Variants in DCC observed in about 807,000 individuals in gnomAD.
DCC encodes the protein netrin receptor DCC.
In DCC, 58 loss-of-function variants were observed where a neutral mutation model predicts 172.5. The ratio of observed to expected loss-of-function variants is 0.34; its 90% CI spans 0.27 to 0.42. DCC has a LOEUF of 0.42. Among genes scored for constraint, DCC ranks in the 10% least tolerant of loss-of-function variants. DCC has a pLI of 1.00. For synonymous variants in DCC, 709 were observed against 644.5 expected, an observed-to-expected ratio of 1.10 and a Z score of -1.52; for missense variants, 1,740 against 1,791.0, an observed-to-expected ratio of 0.97 and a Z score of 0.51.
rs1375657739 is a variant in DCC, at chr18:52,383,585, G to A, written c.91+42707G>A. Among the ~76,000 whole-genome samples the A allele has an allele frequency of 2.6e-5, 4 of 151,782 alleles. No individual in the cohort carries two copies. In the East Asian group the frequency reaches 7.8e-4, roughly 29 times the overall value. On this transcript the variant is annotated intron_variant, in intron 1 of 28. Coordinates refer to ENST00000442544, the MANE Select transcript of DCC (RefSeq NM_005215.4). ...TGTCAAATAAACTTTCATCTTTTAT[G>A]GCTAGTCTCTTCTTTTTATTTATGT...
intron 1 of DCC, among the ~76,000 whole-genome samples, chr18:52,589,709 G>T (rs2033755768): frequency 6.6e-6 from 1 of 152,112 alleles, no homozygotes; most frequent in Non-Finnish European, 1.5e-5. Flanking sequence ...TGTTTATAGT[G>T]CCAATCAATT....
At chr18:52,793,864 T>G (rs2037821632) in intron 2 of DCC, among the ~76,000 whole-genome samples, 1 of 152,202 alleles carries the variant, frequency 6.6e-6, no homozygotes, top group Non-Finnish European at 1.5e-5. Flanking sequence ...GAGCACTTAG[T>G]TTTCCCTGCA....
At chr18:52,658,979 G>A (rs912891889) in intron 1 of DCC, among the ~76,000 whole-genome samples, 7 of 152,006 alleles carry the variant, frequency 4.6e-5, no homozygotes, top group African/African-American at 1.7e-4. Flanking sequence ...AGTAGCTGCT[G>A]GTAAATTGAA....
intron 2 of DCC, chr18:52,754,267 G>A (rs1048042149): frequency 1.1e-4 from 17 of 152,192 alleles, no homozygotes; most frequent in African/African-American, 4.1e-4. Context: ...TAGATATGTG[G>A]TTAATTCCCA....
At chr18:53,164,066 C>T (rs1178591069) in intron 8 of DCC, among the ~76,000 whole-genome samples, 1 of 152,152 alleles carries the variant, frequency 6.6e-6, no homozygotes, top group East Asian at 1.9e-4. Context: ...ACTCTCAATC[C>T]CTTTTTCATC....
At chr18:52,806,677 C>T (rs1397936462) in intron 2 of DCC, among the ~76,000 whole-genome samples, 1 of 152,152 alleles carries the variant, frequency 6.6e-6, no homozygotes, top group Non-Finnish European at 1.5e-5. Context: ...CTTCTTGTAA[C>T]CAATTGCCAC....
chr18:53,443,421 C>G (rs1168103389), intron 22 of DCC, among the ~76,000 whole-genome samples: 1 of 152,150 alleles, frequency 6.6e-6, no homozygotes, highest in African/African-American at 2.4e-5. Context: ...CTGTAGAGAC[C>G]TATTGCTTAG....
At chr18:52,603,102 C>A (rs1040972991) in intron 1 of DCC, among the ~76,000 whole-genome samples, 6 of 151,982 alleles carry the variant, frequency 3.9e-5, no homozygotes, top group Admixed American at 3.3e-4. Context: ...CTGAGAAGCA[C>A]CTTTATAGTG....
intron 12 of DCC, among the ~76,000 whole-genome samples, chr18:53,267,723 C>G (rs1367665706): frequency 6.6e-6 from 1 of 152,156 alleles, no homozygotes; most frequent in Admixed American, 6.6e-5. Context: ...GACTTGGTCT[C>G]CCCAAATGCT....
rs140178944 is a variant in DCC at position 52,363,642 on chromosome 18, GC to G, written c.91+22765del. 6.6e-3 allele frequency among the ~76,000 whole-genome samples: 1,008 copies of G among 152,286 alleles called. 8 individuals carry two copies. The highest frequency in any genetic ancestry group is 0.023 in the African/African-American group (965 of 41,564). On this transcript the variant is annotated intron_variant, in intron 1 of 28. Transcript: ENST00000442544. The stretch of plus-strand genomic sequence containing the variant: ...GCACAAGGCCAAAAAAGAGAACTAG[GC>G]TCTACTGGTCAATTAAAAAATATAT...
At chr18:53,026,351 T>C (rs1276322798) in intron 5 of DCC, among the ~76,000 whole-genome samples, 1 of 152,148 alleles carries the variant, frequency 6.6e-6, no homozygotes, top group Admixed American at 6.6e-5. Flanking sequence ...CCTCCAAGTC[T>C]TTTTAGCCAT....
intron 1 of DCC, among the ~76,000 whole-genome samples, chr18:52,530,585 AC>A (rs755189176): frequency 6.6e-6 from 1 of 152,196 alleles, no homozygotes; most frequent in Non-Finnish European, 1.5e-5. Flanking sequence ...TAAAACTGGA[AC>A]TTTTGTCTTT....
chr18:52,381,795 G>A (rs1411529176), intron 1 of DCC, among the ~76,000 whole-genome samples: 1 of 152,122 alleles, frequency 6.6e-6, no homozygotes, highest in Non-Finnish European at 1.5e-5. Context: ...CTTAGGAGCT[G>A]CTGCTAATTA....
intron 2 of DCC, among the ~76,000 whole-genome samples, chr18:52,833,587 C>T (rs2038653964): frequency 1.3e-5 from 2 of 152,230 alleles, no homozygotes; most frequent in South Asian, 4.1e-4. Context: ...CTAGCAAGTT[C>T]CCAAACAATG....
chr18:53,434,050 T>G (rs1273437101), intron 21 of DCC, among the ~76,000 whole-genome samples: 1 of 152,200 alleles, frequency 6.6e-6, no homozygotes, highest in African/African-American at 2.4e-5. Context: ...TGATAAAATC[T>G]TGGGAAAGCT....
chr18:52,863,628 T>C (rs1188882615), intron 2 of DCC, among the ~76,000 whole-genome samples: 1 of 151,718 alleles, frequency 6.6e-6, no homozygotes, highest in East Asian at 1.9e-4. Flanking sequence ...AGTGCATAGT[T>C]ACCAAAAAAT....
intron 15 of DCC, among the ~76,000 whole-genome samples, chr18:53,357,492 G>A (rs944496992): frequency 6.6e-6 from 1 of 152,110 alleles, no homozygotes; most frequent in Non-Finnish European, 1.5e-5. Context: ...CACTTTAGCC[G>A]ACTCAAGAAT....
chr18:53,039,425 T>G (rs1185027784), intron 5 of DCC, among the ~76,000 whole-genome samples: 2 of 152,080 alleles, frequency 1.3e-5, no homozygotes, highest in African/African-American at 2.4e-5. Flanking sequence ...ACTTTCATTC[T>G]CTGTAAGGAA....
intron 27 of DCC, among the ~76,000 whole-genome samples, chr18:53,508,201 A>ATT (rs35557446): frequency 1.7e-4 from 25 of 147,022 alleles, no homozygotes; most frequent in Non-Finnish European, 3.3e-4. Context: ...CCGAGACCAC[A>ATT]TTTTTTTTTT....
Sources: allele counts gnomAD v4.1 joint callset (sites outside exome capture counted in the v4.1 genomes callset), GRCh38; gene constraint gnomAD v4.1.1; transcripts MANE v1.5; gene names NCBI Gene and HGNC (gene_info 2026-07-23, HGNC 2026-07-21).